The following UHRF1 variants were observed in gnomAD, a reference collection of about 807,000 sequenced individuals.
UHRF1 encodes the protein ubiquitin like with PHD and ring finger domains 1.
UHRF1 carries 9 observed loss-of-function variants against 96.5 expected under a neutral mutation model. That is an observed-to-expected ratio of 0.09 (90% CI 0.06 to 0.16). The LOEUF is 0.16. Among genes scored for constraint, UHRF1 ranks in the 10% least tolerant of loss-of-function variants. The pLI, the probability that UHRF1 is intolerant of heterozygous loss-of-function variation, is 1.00. For missense variants in UHRF1, 626 were observed against 1,131.1 expected, an observed-to-expected ratio of 0.55 and a Z score of 6.40; for synonymous variants, 455 against 469.9, an observed-to-expected ratio of 0.97 and a Z score of 0.41.
chr19:4,930,570 G>A lies in UHRF1; in HGVS notation c.409-146G>A. 9.6e-7 allele frequency: 1 copy of A among 1,043,962 alleles called. No individual in the cohort carries two copies. The highest frequency in any genetic ancestry group is 1.6e-5 in the South Asian group (1 of 63,606). The allele number at this position is 1,043,962 out of a possible 1,614,324, so 64.7% of individuals were successfully genotyped here. On this transcript the variant is annotated intron_variant, in intron 3 of 16. Transcript: ENST00000650932. This position sits in a 1 kb window ranked among gnomAD's most constrained non-coding sequence, Gnocchi z 4.4. ...CGGGGCTGGTTTCTCATGGTCAGCG[G>A]TTCCCAGCCAGGGAGGAGAAACCTC...
chr19:4,940,021 CAA>C (rs529825403), intron 5 of UHRF1, among the ~76,000 whole-genome samples: 16 of 72,610 alleles, frequency 2.2e-4, no homozygotes, highest in Non-Finnish European at 2.6e-4. Flanking sequence ...GAGACTGTCT[CAA>C]AAAAAAAAAA....
chr19:4,911,486 GTGTT>G (rs1210823558), intron 2 of UHRF1, among the ~76,000 whole-genome samples: 1 of 152,090 alleles, frequency 6.6e-6, no homozygotes, highest in Non-Finnish European at 1.5e-5. Context: ...GACCCTGCGA[GTGTT>G]TGTTTCTAAA....
chr19:4,917,652 CAAAAAAAAAAA>C (rs754990585), intron 2 of UHRF1, among the ~76,000 whole-genome samples: 1 of 34,350 alleles, frequency 2.9e-5, no homozygotes, highest in Non-Finnish European at 6.4e-5. Flanking sequence ...GACTCCGTCT[CAAAAAAAAAAA>C]AAAAAAAAAA....
intron 2 of UHRF1, among the ~76,000 whole-genome samples, chr19:4,911,601 G>A: frequency 6.6e-6 from 1 of 152,184 alleles, no homozygotes; most frequent in Admixed American, 6.6e-5. Flanking sequence ...GACCTGGGGC[G>A]TGTGGTCCCC....
chr19:4,937,313 T>A (rs1048077458), intron 5 of UHRF1, among the ~76,000 whole-genome samples: 1 of 150,672 alleles, frequency 6.6e-6, no homozygotes. Context: ...TTTTTTTTTT[T>A]AACGACCCAT....
chr19:4,909,007 G>A (rs2032139203), upstream of UHRF1, among the ~76,000 whole-genome samples: 1 of 152,200 alleles, frequency 6.6e-6, no homozygotes, highest in South Asian at 2.1e-4. Context: ...CTGCGGGTGG[G>A]TAGAGTGGGG....
At chr19:4,913,842 G>A (rs113776454) in intron 2 of UHRF1, among the ~76,000 whole-genome samples, 1,941 of 114,166 alleles carry the variant, frequency 0.017, 55 homozygotes, top group African/African-American at 0.065. Context: ...AGACAGTTTC[G>A]CTCTTATTGC....
Position 4,932,831 on chromosome 19 carries a change from C to T in UHRF1, c.660C>T (p.Gly220=). 1.2e-6 allele frequency: 2 copies of T among 1,613,818 alleles called. No homozygotes were observed. Among genetic ancestry groups the T allele is most frequent in the Non-Finnish European group, 1.7e-6 (2 of 1,179,876 alleles). ...TCAAGTGGCAGGACCTGGAGGTGGG[C>T]CAGGTGGTCATGCTCAACTACAACC... ...TIIKWQDLEV[G]QVVMLNYNPD... The change falls in exon 5 of 17, where the codon GGC becomes GGT. Residue 220 remains glycine, a synonymous_variant. Coordinates refer to ENST00000650932, the MANE Select transcript of UHRF1 (RefSeq NM_001048201.3).
chr19:4,906,904 G>A (rs1000438138), upstream of UHRF1, among the ~76,000 whole-genome samples: 3 of 152,364 alleles, frequency 2.0e-5, no homozygotes, highest in Admixed American at 1.3e-4. Context: ...AGCTCAAGCC[G>A]TCTCACACCC....
At chr19:4,931,013 C>G in intron 4 of UHRF1, 137 bp downstream of exon 4, 2 of 1,209,792 alleles carry the variant, frequency 1.7e-6, no homozygotes, top group Non-Finnish European at 2.3e-6. Context: ...GAATTCCTAA[C>G]AGCATACGAG....
intron 9 of UHRF1, among the ~76,000 whole-genome samples, 167 bp from the exon 10 acceptor site, chr19:4,945,694 G>C (rs946694798): frequency 6.7e-6 from 1 of 149,308 alleles, no homozygotes; most frequent in African/African-American, 2.5e-5. Flanking sequence ...GCTCAACTCC[G>C]GCCGTCTCTA....
chr19:4,904,080 G>A (rs573095842), intron 1 of UHRF1, among the ~76,000 whole-genome samples: 2 of 151,500 alleles, frequency 1.3e-5, no homozygotes, highest in African/African-American at 2.4e-5. Flanking sequence ...GGGTTCAAGC[G>A]ATTCTCCTGC....
intron 2 of UHRF1, among the ~76,000 whole-genome samples, chr19:4,917,652 CAAAA>C (rs754990585): frequency 2.9e-5 from 1 of 34,350 alleles, no homozygotes; most frequent in African/African-American, 8.9e-5. Context: ...GACTCCGTCT[CAAAA>C]AAAAAAAAAA....
chr19:4,924,094 G>C (rs1568412502), intron 2 of UHRF1, among the ~76,000 whole-genome samples: 1 of 152,200 alleles, frequency 6.6e-6, no homozygotes, highest in African/African-American at 2.4e-5. Context: ...AGCCTCTTGA[G>C]TATTTGGGAT....
At position 4,960,694 on chromosome 19, in the gene UHRF1, G is replaced by A; in HGVS notation, c.2273G>A (p.Ser758Asn). The A allele has an allele frequency of 6.2e-7, 1 of 1,606,184 alleles. No individual in the cohort carries two copies. The highest frequency in any genetic ancestry group is 1.1e-5 in the South Asian group (1 of 89,904). Residue 758 changes from serine (S) to asparagine (N), a missense_variant, in exon 17 of 17, where the codon AGC (serine) becomes AAC (asparagine). Physicochemically the swap from Ser to Asn is conservative, Grantham distance 46. This residue lies in a region of UHRF1 where 84 missense variants were observed against 150.3 expected (regional missense o/e 0.56). Transcript: ENST00000650932. ...AGATCCTTTCGGGCACAGGTGTTCA[G>A]CTGCCCTGCCTGCCGCTACGACCTG... is the stretch of plus-strand genomic sequence containing the variant. Reference protein sequence around the residue: ...LDRSFRAQVFSCPACRYDLGR... With the variant: ...LDRSFRAQVFNCPACRYDLGR...
chr19:4,957,748 C>A lies in UHRF1; in HGVS notation c.2235+935C>A, dbSNP rs17881750. ...CAGGGTGCTGAGCAGCATCCCCGGCCCCCACCCACTCCATGCCAGGAGCTC... is the reference window on the plus strand; with the variant it reads ...CAGGGTGCTGAGCAGCATCCCCGGCACCCACCCACTCCATGCCAGGAGCTC... On this transcript the variant is annotated intron_variant, in intron 16 of 16. Coordinates refer to ENST00000650932, the MANE Select transcript of UHRF1 (RefSeq NM_001048201.3). 3.2e-4 allele frequency among the ~76,000 whole-genome samples: 48 copies of A among 152,304 alleles called. No homozygotes were observed. In the South Asian group the frequency reaches 4.6e-3, roughly 14 times the overall value.
chr19:4,947,464 C>T lies in UHRF1; in HGVS notation c.1517+253C>T, dbSNP rs17880226. The stretch of plus-strand genomic sequence containing the variant: ...ATTCAGATGGATGAAAGCAAACTTC[C>T]CTATAAAAGGCCAGATAATAGATAT... On this transcript the variant is annotated intron_variant, in intron 11 of 16. Coordinates refer to ENST00000650932, the MANE Select transcript of UHRF1 (RefSeq NM_001048201.3). Among the ~76,000 whole-genome samples the T allele has an allele frequency of 1.8e-4, 26 of 144,552 alleles. 1 individual carries two copies. The South Asian group carries it at 5.9e-3, about 33-fold the overall frequency. The allele number at this position is 144,552 out of a possible 152,430, so 94.8% of individuals were successfully genotyped here. A position where few individuals can be genotyped will look rare whatever the true frequency, so the allele number is the denominator to read the frequency against.
At chr19:4,913,354 AG>A (rs1480395213) in intron 2 of UHRF1, among the ~76,000 whole-genome samples, 3 of 147,042 alleles carry the variant, frequency 2.0e-5, no homozygotes, top group Non-Finnish European at 4.4e-5. Flanking sequence ...CCCAAGTTCA[AG>A]CGATCCTCCT....
chr19:4,941,491 G>A, intron 5 of UHRF1, 37 bp from the exon 6 acceptor site: 3 of 1,559,400 alleles, frequency 1.9e-6, no homozygotes, highest in Non-Finnish European at 2.6e-6. Flanking sequence ...AGGGGCCTCG[G>A]CAGGCCAGAA....
Sources: allele counts gnomAD v4.1 joint callset (sites outside exome capture counted in the v4.1 genomes callset), GRCh38; gene constraint gnomAD v4.1.1; regional missense constraint gnomAD v4.1.1; non-coding constraint Gnocchi (gnomAD v3.1); transcripts MANE v1.5; gene names NCBI Gene and HGNC (gene_info 2026-07-23, HGNC 2026-07-21).